The following SEMA6D variants were observed in gnomAD, a reference collection of about 807,000 sequenced individuals.
SEMA6D encodes the protein semaphorin 6D, also known as semaphorin-6D.
A neutral mutation model predicts 106.6 loss-of-function variants in SEMA6D; 35 were observed. The ratio of observed to expected loss-of-function variants is 0.33; its 90% CI spans 0.25 to 0.44. The LOEUF is 0.44. Ranked by LOEUF, SEMA6D falls within the 20% of genes least tolerant of loss-of-function variation. SEMA6D has a pLI of 1.00. For missense variants in SEMA6D, 1,185 were observed against 1,345.9 expected (o/e 0.88, Z 1.87); for synonymous variants, 499 against 487.7 (o/e 1.02, Z -0.31).
intron 3 of SEMA6D, among the ~76,000 whole-genome samples, chr15:47,585,479 T>G (rs1322668709): frequency 6.6e-6 from 1 of 152,206 alleles, no homozygotes; most frequent in Non-Finnish European, 1.5e-5. Flanking sequence ...TATCCTCTTC[T>G]TGAAAAGGTA....
intron 1 of SEMA6D, among the ~76,000 whole-genome samples, chr15:47,728,342 C>T (rs2079896929): frequency 6.6e-6 from 1 of 152,174 alleles, no homozygotes; most frequent in Non-Finnish European, 1.5e-5. Context: ...TATTATGATA[C>T]AATGAAATAT....
chr15:47,504,064 T>G (rs932123442), intron 3 of SEMA6D, among the ~76,000 whole-genome samples: 9 of 152,194 alleles, frequency 5.9e-5, no homozygotes, highest in Non-Finnish European at 1.2e-4. Context: ...CAGCTGGACA[T>G]GAAGCCCTCT....
At chr15:47,612,439 G>A (rs1283343501) in intron 4 of SEMA6D, among the ~76,000 whole-genome samples, 2 of 152,196 alleles carry the variant, frequency 1.3e-5, no homozygotes, top group Admixed American at 1.3e-4. Flanking sequence ...TATTACATTA[G>A]AGAGTAATGC....
rs143248605 is a variant in SEMA6D at position 47,207,984 on chromosome 15, G to GGCGCGC, written c.-239+23571_-239+23576dup. Among the ~76,000 whole-genome samples, 13 of 73,100 alleles carry GGCGCGC rather than the reference G, an allele frequency of 1.8e-4. No homozygotes were observed. In the East Asian group the frequency reaches 2.6e-3, roughly 15 times the overall value. The allele number at this position is 73,100 out of a possible 152,430, so 48.0% of individuals were successfully genotyped here. Reference sequence around the variant, plus strand: ...TGTGGAAACAGGTACAGTAGCCACTGGCGCGCGCGCACACACACACACACA... The same window carrying GGCGCGC: ...TGTGGAAACAGGTACAGTAGCCACTGGCGCGCGCGCGCGCGCACACACACACACACA... On this transcript the variant is annotated intron_variant, in intron 1 of 19. Coordinates refer to the SEMA6D transcript ENST00000558014.
intron 1 of SEMA6D, among the ~76,000 whole-genome samples, chr15:47,195,115 T>C (rs1894248866): frequency 6.6e-6 from 1 of 151,932 alleles, no homozygotes; most frequent in Admixed American, 6.5e-5. Context: ...ACTTAAAAAC[T>C]TGTTTAATAT....
chr15:47,335,192 A>G (rs1298816697), intron 1 of SEMA6D, among the ~76,000 whole-genome samples: 1 of 152,150 alleles, frequency 6.6e-6, no homozygotes, highest in Admixed American at 6.6e-5. Context: ...CGTTTTGTGG[A>G]TGGGTATCAT....
chr15:47,423,953 A>G (rs11632616), intron 2 of SEMA6D, among the ~76,000 whole-genome samples: 39,201 of 151,990 alleles, frequency 0.26, 6,217 homozygotes, highest in East Asian at 0.51. Context: ...TTGTTTGTCC[A>G]TAATTGACAG....
intron 4 of SEMA6D, among the ~76,000 whole-genome samples, chr15:47,697,746 G>T (rs1164742016): frequency 6.6e-6 from 1 of 152,144 alleles, no homozygotes; most frequent in East Asian, 1.9e-4. Context: ...ACTGATTAAA[G>T]CTTTCTGATG....
intron 3 of SEMA6D, among the ~76,000 whole-genome samples, chr15:47,519,317 C>T (rs1056928229): frequency 6.6e-6 from 1 of 152,156 alleles, no homozygotes; most frequent in African/African-American, 2.4e-5. Flanking sequence ...TGCAATACGA[C>T]ATTTTGATAG....
intron 1 of SEMA6D, chr15:47,185,685 A>G (rs1893518812): frequency 6.6e-6 from 1 of 152,216 alleles, no homozygotes; most frequent in African/African-American, 2.4e-5. Flanking sequence ...TCATGGAGGC[A>G]GACATGTGTA....
At chr15:47,451,833 T>C (rs1400271079) in intron 2 of SEMA6D, among the ~76,000 whole-genome samples, 1 of 152,050 alleles carries the variant, frequency 6.6e-6, no homozygotes, top group Non-Finnish European at 1.5e-5. Flanking sequence ...GGGGAATATT[T>C]GCAGGCAATG....
At chr15:47,371,659 C>T (rs281245) in intron 1 of SEMA6D, among the ~76,000 whole-genome samples, 98,932 of 151,918 alleles carry the variant, frequency 0.65, 32,920 homozygotes, top group Non-Finnish European at 0.72. Flanking sequence ...TTGACCCTCG[C>T]GTGCCATGTT....
At chr15:47,691,718 A>G (rs757048656) in intron 4 of SEMA6D, among the ~76,000 whole-genome samples, 22 of 152,074 alleles carry the variant, frequency 1.4e-4, no homozygotes, top group Non-Finnish European at 2.8e-4. Flanking sequence ...GGTCATATTC[A>G]TGAACTCTTT....
intron 1 of SEMA6D, among the ~76,000 whole-genome samples, chr15:47,323,379 CAGAA>C (rs2037002068): frequency 6.6e-6 from 1 of 152,060 alleles, no homozygotes; most frequent in Non-Finnish European, 1.5e-5. Flanking sequence ...TATTAAGTGA[CAGAA>C]AGAAAGCTCT....
At chr15:47,210,263 T>G (rs1397017487) in intron 1 of SEMA6D, among the ~76,000 whole-genome samples, 1 of 152,162 alleles carries the variant, frequency 6.6e-6, no homozygotes, top group Non-Finnish European at 1.5e-5. Context: ...TCTGCACATT[T>G]CTGTTTCTAT....
chr15:47,250,062 C>G (rs982657072), intron 1 of SEMA6D, among the ~76,000 whole-genome samples: 1 of 152,164 alleles, frequency 6.6e-6, no homozygotes, highest in African/African-American at 2.4e-5. Context: ...GGATCCTGTT[C>G]TAGAGGAGCT....
intron 2 of SEMA6D, among the ~76,000 whole-genome samples, chr15:47,464,972 T>C (rs1265107798): frequency 2.0e-5 from 3 of 152,142 alleles, no homozygotes; most frequent in African/African-American, 4.8e-5. Context: ...CATATATGTA[T>C]GAATCCCAGT....
chr15:47,436,766 AAAATAT>A (rs1567078529), intron 2 of SEMA6D, among the ~76,000 whole-genome samples: 1 of 83,678 alleles, frequency 1.2e-5, no homozygotes. Context: ...ATTAAAAAAA[AAAATAT>A]ATATATATAT....
At chr15:47,730,298 A>C (rs1596827181) in intron 1 of SEMA6D, 1 of 1,530,750 alleles carries the variant, frequency 6.5e-7, no homozygotes, top group Admixed American at 1.7e-5. Flanking sequence ...CAGCTTAGCC[A>C]AAGCGCCTTT....
Sources: gnomAD v4.1 joint callset for allele counts (sites outside exome capture counted in the v4.1 genomes callset) on GRCh38, gnomAD v4.1.1 for gene constraint, MANE v1.5 for transcripts, NCBI Gene and HGNC (gene_info 2026-07-23, HGNC 2026-07-21) for gene names.